Variants in INSL6 observed in about 807,000 individuals in gnomAD.
The protein encoded by INSL6 is insulin like 6.
INSL6 carries 16 observed loss-of-function variants against 9.4 expected under a neutral mutation model. That is an observed-to-expected ratio of 1.70 (90% CI 1.15 to 2.59). INSL6 has a LOEUF of 2.59. Ranked by LOEUF, INSL6 falls within the 30% of genes most tolerant of loss-of-function variation. The pLI is 0.00. For missense variants in INSL6, 391 were observed against 257.3 expected (o/e 1.52, Z -3.56); for synonymous variants, 154 against 96.9 (o/e 1.59, Z -3.46).
At chr9:5,077,135 A>G in the INSL6 span, among the ~76,000 whole-genome samples, 8 of 151,620 alleles carry the variant, frequency 5.3e-5, no homozygotes, top group African/African-American at 1.9e-4. Flanking sequence ...AGAGAAATTG[A>G]GAAATTTTCA....
chr9:5,088,031 CTT>C, the INSL6 span, among the ~76,000 whole-genome samples: 1 of 152,146 alleles, frequency 6.6e-6, no homozygotes, highest in Non-Finnish European at 1.5e-5. Context: ...GAAGATAAAA[CTT>C]ATTTCCTACT....
At chr9:5,025,144 T>C in the INSL6 span, among the ~76,000 whole-genome samples, 1 of 152,188 alleles carries the variant, frequency 6.6e-6, no homozygotes, top group Non-Finnish European at 1.5e-5. Flanking sequence ...ACTCATTTTT[T>C]TTTTCCTGTT....
intron 2 of INSL6, among the ~76,000 whole-genome samples, chr9:5,140,525 C>T (rs1054208471): frequency 5.3e-5 from 8 of 152,096 alleles, no homozygotes; most frequent in African/African-American, 1.9e-4. Context: ...TTCCTACCTT[C>T]TCTCATTAGT....
the INSL6 span, chr9:5,086,162 C>G: frequency 5.4e-6 from 2 of 368,690 alleles, no homozygotes; most frequent in Admixed American, 1.2e-4. Context: ...GGGGAGCGGT[C>G]TCCACGCCGC....
chr9:5,182,148 G>A (rs888173333), intron 1 of INSL6, among the ~76,000 whole-genome samples: 4 of 152,132 alleles, frequency 2.6e-5, no homozygotes, highest in African/African-American at 9.7e-5. Context: ...GTGGTAGGGA[G>A]TTCAAGGCTA....
chr9:5,033,076 G>A, the INSL6 span, among the ~76,000 whole-genome samples: 2 of 152,230 alleles, frequency 1.3e-5, no homozygotes, highest in East Asian at 3.9e-4. Context: ...TGAAAACCAA[G>A]GCACGAGAAC....
chr9:5,157,852 A>G (rs866908960), intron 2 of INSL6, among the ~76,000 whole-genome samples: 4 of 152,160 alleles, frequency 2.6e-5, no homozygotes, highest in African/African-American at 7.2e-5. Flanking sequence ...GGAACTAAAT[A>G]AGGTACCAGG....
the INSL6 span, chr9:5,077,641 TTA>T: frequency 9.2e-7 from 1 of 1,092,698 alleles, no homozygotes; most frequent in Non-Finnish European, 1.2e-6. Flanking sequence ...AATATACAAA[TTA>T]TCTTTACCTG....
At chr9:5,022,163 C>T in the INSL6 span, 13 of 1,613,956 alleles carry the variant, frequency 8.1e-6, no homozygotes, top group East Asian at 1.8e-4. Context: ...ACCTTTCCAT[C>T]TGGGGAGTAT....
At chr9:5,114,408 T>C in the INSL6 span, 51 of 506,962 alleles carry the variant, frequency 1.0e-4, no homozygotes. Flanking sequence ...CACCAGAGAC[T>C]GGATCAAGGG....
chr9:5,136,021 T>G, intron 2 of INSL6, among the ~76,000 whole-genome samples: 1 of 152,254 alleles, frequency 6.6e-6, no homozygotes, highest in Non-Finnish European at 1.5e-5. Context: ...CTAGAAAATC[T>G]AGAAGAAATA....
the INSL6 span, among the ~76,000 whole-genome samples, chr9:5,087,436 A>C: frequency 2.0e-5 from 3 of 152,342 alleles, no homozygotes; most frequent in East Asian, 3.9e-4. Flanking sequence ...TTTACAATTC[A>C]AGATGAGATT....
chr9:5,153,583 G>A (rs908135711), intron 2 of INSL6, among the ~76,000 whole-genome samples: 4 of 152,158 alleles, frequency 2.6e-5, no homozygotes, highest in Non-Finnish European at 2.9e-5. Flanking sequence ...AAACCCCATC[G>A]TCTCAGCCCA....
the INSL6 span, among the ~76,000 whole-genome samples, chr9:5,004,242 C>G: frequency 6.6e-6 from 1 of 152,156 alleles, no homozygotes; most frequent in Non-Finnish European, 1.5e-5. Flanking sequence ...CTCCTCCTAT[C>G]TAACAGAAAT....
At chr9:5,091,461 T>G in the INSL6 span, 1 of 151,806 alleles carries the variant, frequency 6.6e-6, no homozygotes, top group African/African-American at 2.4e-5. Flanking sequence ...GCATAGGGAG[T>G]TGATTTAATT....
At chr9:5,164,662 G>A (rs920765206) in intron 1 of INSL6, among the ~76,000 whole-genome samples, 1 of 152,068 alleles carries the variant, frequency 6.6e-6, no homozygotes, top group Non-Finnish European at 1.5e-5. Context: ...CTATCCCCTA[G>A]CAATCACCAA....
chr9:5,126,467 C>T, intron 3 of INSL6: 1 of 1,476,692 alleles, frequency 6.8e-7, no homozygotes, highest in Non-Finnish European at 9.4e-7. Context: ...TTTTTTAATC[C>T]AGGGTAGTCA....
chr9:5,089,562 A>C, the INSL6 span: 1 of 351,688 alleles, frequency 2.8e-6, no homozygotes, highest in Non-Finnish European at 4.8e-6. Flanking sequence ...AAAAAAAAAA[A>C]AAAGACAGTC....
intron 1 of INSL6, among the ~76,000 whole-genome samples, chr9:5,167,055 A>C (rs748468925): frequency 1.3e-5 from 2 of 152,070 alleles, no homozygotes; most frequent in Non-Finnish European, 2.9e-5. Context: ...TTGAGTTACC[A>C]ATGTTCTCTC....
Sources: gnomAD v4.1 joint callset for allele counts (sites outside exome capture counted in the v4.1 genomes callset) on GRCh38, gnomAD v4.1.1 for gene constraint, MANE v1.5 for transcripts, NCBI Gene and HGNC (gene_info 2026-07-23, HGNC 2026-07-21) for gene names.